Variants in PDCD11 observed in about 807,000 individuals in gnomAD.
PDCD11 encodes protein RRP5 homolog.
In PDCD11, 97 loss-of-function variants were observed where a neutral mutation model predicts 198.9. That is an observed-to-expected ratio of 0.49 (90% CI 0.41 to 0.58). The LOEUF (loss-of-function observed/expected upper bound fraction) is 0.58. PDCD11 is among the 20% of genes least tolerant of loss of function. The pLI is 0.00. For missense variants in PDCD11, 2,102 were observed against 2,312.7 expected, an observed-to-expected ratio of 0.91 and a Z score of 1.87; for synonymous variants, 893 against 918.0, an observed-to-expected ratio of 0.97 and a Z score of 0.49.
chr10:103,397,796 C>T (rs7072198), intron 1 of PDCD11, among the ~76,000 whole-genome samples: 147,116 of 152,322 alleles, frequency 0.97, 71,272 homozygotes, highest in East Asian at 1. Flanking sequence ...TGAATAATTC[C>T]TCAGAGACAA....
chr10:103,432,324 A>G, intron 22 of PDCD11, 90 bp downstream of exon 22: 1 of 892,930 alleles, frequency 1.1e-6, no homozygotes, highest in East Asian at 2.6e-5. Flanking sequence ...TAGCAGAGAA[A>G]GGCATTTGAG....
intron 24 of PDCD11, 138 bp from the exon 25 acceptor site, chr10:103,434,660 T>C: frequency 1.5e-6 from 1 of 658,904 alleles, no homozygotes. Context: ...GATCTCAGTC[T>C]AGATGGTTCT....
At chr10:103,412,569 TGCCTGCTTCG>T (rs2030865059) in intron 8 of PDCD11, among the ~76,000 whole-genome samples, 1 of 152,166 alleles carries the variant, frequency 6.6e-6, no homozygotes, top group Admixed American at 6.6e-5. Context: ...ATCTGCCTGC[TGCCTGCTTCG>T]GCCTCCCAAA....
intron 8 of PDCD11, among the ~76,000 whole-genome samples, chr10:103,410,972 G>C (rs2030766778): frequency 6.6e-6 from 1 of 151,700 alleles, no homozygotes; most frequent in Non-Finnish European, 1.5e-5. Context: ...CTACTCGGGA[G>C]ACTGAGGCAG....
At chr10:103,409,946 G>A (rs1253664427) in intron 8 of PDCD11, 140 bp downstream of exon 8, 1 of 653,086 alleles carries the variant, frequency 1.5e-6, no homozygotes, top group African/African-American at 1.8e-5. Flanking sequence ...AATGAAAAGT[G>A]TTATGGAGGC....
chr10:103,398,297 T>C, intron 1 of PDCD11, 119 bp from the exon 2 acceptor site: 1 of 664,350 alleles, frequency 1.5e-6, no homozygotes, highest in East Asian at 2.6e-5. Context: ...ATCTATGTTG[T>C]AGTCCTGAAT....
chr10:103,424,984 C>T lies in PDCD11; in HGVS notation c.2764C>T (p.Leu922=). ...QDLVNRKARK[L]RKGSEHQAIV... The stretch of plus-strand genomic sequence containing the variant: ...GGATGGTGGCTTTTCTCTCTTCTAG[C>T]TGAGGAAAGGCAGCGAACACCAGGC... The change falls in exon 20 of 36, where the codon CTG becomes TTG. Residue 922 remains leucine (L), a splice_region_variant and synonymous_variant. Coordinates refer to ENST00000369797, the MANE Select transcript of PDCD11 (RefSeq NM_014976.2). 6.2e-7 allele frequency: 1 copy of T among 1,613,786 alleles called. No homozygotes were observed.
chr10:103,443,678 A>G (rs2032482846), intron 33 of PDCD11, among the ~76,000 whole-genome samples: 1 of 152,172 alleles, frequency 6.6e-6, no homozygotes, highest in Non-Finnish European at 1.5e-5. Context: ...GTTCTAGGCT[A>G]GGACCGCCCT....
rs1332885530 is a variant in PDCD11, at chr10:103,423,103, C to G, written c.2613C>G (p.Asp871Glu). ...TATTCAGTGGGGGTCCAGTGCCCGA[C>G]CTGGTCCTGAAAGCCAGCAGATACC... ...SVVFSGGPVP[D>E]LVLKASRYHR... The change falls in exon 18 of 36, where the codon GAC becomes GAG. Residue 871 changes from aspartate to glutamate, a missense_variant. Asp to Glu is a conservative substitution (Grantham distance 45). Coordinates refer to ENST00000369797, the MANE Select transcript of PDCD11 (RefSeq NM_014976.2). 1 of 1,596,390 alleles carries G rather than the reference C, an allele frequency of 6.3e-7. No individual in the cohort carries two copies. The highest frequency in any genetic ancestry group is 1.1e-5 in the South Asian group (1 of 87,878).
At position 103,413,161 on chromosome 10, in the gene PDCD11, C is replaced by A. The variant is rs200342633; in HGVS notation, c.1024C>A (p.His342Asn). The part of the protein sequence containing the change: ...LCVHPRTRVV[H>N]LSLRPIFLQP... ...CGTCCATCCTCGAACCAGAGTTGTG[C>A]ACCTGAGCCTGCGCCCCATCTTCCT... Residue 342 changes from histidine (H) to asparagine (N), a missense_variant, in exon 9 of 36, where the codon CAC (histidine) becomes AAC (asparagine). His to Asn is a moderately conservative substitution (Grantham distance 68). Coordinates refer to ENST00000369797, the MANE Select transcript of PDCD11 (RefSeq NM_014976.2). The A allele has an allele frequency of 7.2e-5, 117 of 1,614,052 alleles. No homozygotes were observed. Among genetic ancestry groups the A allele is most frequent in the Middle Eastern group, 6.6e-4 (4 of 6,084 alleles).
intron 25 of PDCD11, among the ~76,000 whole-genome samples, chr10:103,435,973 T>A (rs1019024002): frequency 6.6e-6 from 1 of 152,060 alleles, no homozygotes; most frequent in Non-Finnish European, 1.5e-5. Flanking sequence ...TGGCACTGGA[T>A]ATTTTAAATT....
chr10:103,444,116 G>T (rs1434496951), intron 34 of PDCD11, 48 bp downstream of exon 34: 11 of 1,543,862 alleles, frequency 7.1e-6, no homozygotes, highest in Non-Finnish European at 9.7e-6. Flanking sequence ...TCCAGGATCG[G>T]GGAGTAGGAA....
At position 103,413,942 on chromosome 10, in the gene PDCD11, C is replaced by T. The variant is rs111763928; in HGVS notation, c.1186-24C>T. On this transcript the variant is annotated intron_variant, in intron 9 of 35. Transcript: ENST00000369797. Reference sequence around the variant, plus strand: ...CTCAGACCTGTTGTCCCTGGCTTATCCTCAATCACTTGGTACTTTGCAGCT... The same window carrying T: ...CTCAGACCTGTTGTCCCTGGCTTATTCTCAATCACTTGGTACTTTGCAGCT... 546 of 1,592,440 alleles carry T rather than the reference C, an allele frequency of 3.4e-4. 4 individuals are homozygous for T. The African/African-American group carries it at 4.6e-3, about 13-fold the overall frequency.
chr10:103,439,891 T>C, intron 28 of PDCD11, 23 bp downstream of exon 28: 1 of 1,613,920 alleles, frequency 6.2e-7, no homozygotes, highest in Non-Finnish European at 8.5e-7. Flanking sequence ...CCGTTCTCTC[T>C]CTCTCTGTAA....
chr10:103,419,876 G>C (rs969881755), intron 16 of PDCD11, among the ~76,000 whole-genome samples, 168 bp downstream of exon 16: 1 of 150,590 alleles, frequency 6.6e-6, no homozygotes, highest in African/African-American at 2.4e-5. Context: ...TGTAACCTCC[G>C]CCTCCTGGGC....
In PDCD11 at chr10:103,400,450, A is replaced by G. The variant is rs750917745; in HGVS notation, c.156A>G (p.Ala52=). 5 of 1,614,098 alleles carry G rather than the reference A, an allele frequency of 3.1e-6. No homozygotes were observed. Among genetic ancestry groups the G allele is most frequent in the Admixed American group, 3.3e-5 (2 of 59,994 alleles). Residue 52 remains alanine (A), a synonymous_variant, in exon 3 of 36, where the codon GCA becomes GCG. Transcript: ENST00000369797. ...GAAAAAAGAGCCAGAAGGGGCCAGC[A>G]AAAACAAAAAAGTTGAAAATCGAAA... The part of the protein sequence containing the change: ...TKRKKSQKGP[A]KTKKLKIEKR...
At chr10:103,399,249 C>T (rs902638271) in intron 2 of PDCD11, among the ~76,000 whole-genome samples, 2 of 151,876 alleles carry the variant, frequency 1.3e-5, no homozygotes, top group African/African-American at 4.8e-5. Context: ...GGGGTTTCAC[C>T]ATGTTGGCCA....
intron 14 of PDCD11, among the ~76,000 whole-genome samples, chr10:103,418,195 C>A (rs1419167242): frequency 1.3e-5 from 2 of 152,182 alleles, no homozygotes; most frequent in East Asian, 3.9e-4. Context: ...GCCTGCAGTT[C>A]TGGCTTTCCT....
At chr10:103,434,190 G>A (rs2032051210) in intron 23 of PDCD11, 58 bp from the exon 24 acceptor site, 1 of 1,301,048 alleles carries the variant, frequency 7.7e-7, no homozygotes. Context: ...AAATGCTGTG[G>A]TTTTGGATAA....
Sources: gnomAD v4.1 joint callset for allele counts (sites outside exome capture counted in the v4.1 genomes callset) on GRCh38, gnomAD v4.1.1 for gene constraint, MANE v1.5 for transcripts, NCBI Gene and HGNC (gene_info 2026-07-23, HGNC 2026-07-21) for gene names.